VAPB: variants seen among roughly 807,000 people sequenced by gnomAD.
VAPB encodes vesicle-associated membrane protein-associated protein B/C.
A neutral mutation model predicts 25.6 loss-of-function variants in VAPB; 7 were observed. The observed-to-expected ratio is 0.27, with a 90% CI of 0.16 to 0.51. The LOEUF (loss-of-function observed/expected upper bound fraction) is 0.51. VAPB is among the 20% of genes least tolerant of loss of function. VAPB has a pLI of 0.97. For synonymous variants in VAPB, 112 were observed against 109.2 expected, an observed-to-expected ratio of 1.03 and a Z score of -0.16; for missense variants, 266 against 301.3, an observed-to-expected ratio of 0.88 and a Z score of 0.87.
intron 2 of VAPB, 64 bp downstream of exon 2, chr20:58,418,427 TAA>T: frequency 6.3e-7 from 1 of 1,585,758 alleles, no homozygotes. Flanking sequence ...TAGGTTTTCT[TAA>T]AGTTTGTATT....
At chr20:58,398,899 T>G (rs1439556288) in intron 1 of VAPB, among the ~76,000 whole-genome samples, 1 of 151,930 alleles carries the variant, frequency 6.6e-6, no homozygotes, top group Non-Finnish European at 1.5e-5. Context: ...TTTCTTCCCT[T>G]AAAAGATAAG....
In VAPB at chr20:58,448,146, G is replaced by A. The variant is rs1328175548; in HGVS notation, c.*3911G>A. ...GTTGAGAAGGAGTGTTCTCAAAGAT[G>A]AGCTGGAATGGAATTGTATTTAGAA... On this transcript the variant is annotated 3_prime_UTR_variant, in exon 6 of 6. Transcript: ENST00000475243. The A allele has an allele frequency of 2.2e-6, 1 of 453,882 alleles. No individual in the cohort carries two copies. The highest frequency in any genetic ancestry group is 7.0e-5 in the East Asian group (1 of 14,372). 28.1% of individuals were successfully genotyped at this position (453,882 alleles called of 1,614,324 possible). A position where few individuals can be genotyped will look rare whatever the true frequency, so the allele number is the denominator to read the frequency against.
At chr20:58,414,218 G>C (rs1222304502) in intron 1 of VAPB, among the ~76,000 whole-genome samples, 2 of 139,152 alleles carry the variant, frequency 1.4e-5, no homozygotes, top group African/African-American at 5.4e-5. Context: ...CTGGCCGGGC[G>C]GGGGGCTGAC....
At chr20:58,437,952 A>G (rs991722531) in intron 3 of VAPB, among the ~76,000 whole-genome samples, 2 of 152,090 alleles carry the variant, frequency 1.3e-5, no homozygotes, top group Non-Finnish European at 1.5e-5. Flanking sequence ...TTCTTTTTCT[A>G]TATCATAACC....
chr20:58,414,585 C>A (rs1359397733), intron 1 of VAPB, among the ~76,000 whole-genome samples: 1 of 149,614 alleles, frequency 6.7e-6, no homozygotes, highest in Non-Finnish European at 1.5e-5. Context: ...ACATCCCAGA[C>A]GGGGCGGCGG....
rs1172182938 is a variant in VAPB at position 58,430,284 on chromosome 20, G to GGCTGTAATGCAGTGGCACAATCTTGCC, written c.212-4317_212-4291dup. Among the ~76,000 whole-genome samples, 4 of 149,120 alleles carry GGCTGTAATGCAGTGGCACAATCTTGCC rather than the reference G, an allele frequency of 2.7e-5. No individual in the cohort carries two copies. The East Asian group carries it at 7.9e-4, about 29-fold the overall frequency. ...TTTGAGGTGGAGTCTCTGTCGCTCA[G>GGCTGTAATGCAGTGGCACAATCTTGCC]GCTGTAATGCAGTGGCACAATCTTG... On this transcript the variant is annotated intron_variant, in intron 2 of 5. Transcript: ENST00000475243.
At chr20:58,438,815 C>A in intron 3 of VAPB, 130 bp from the exon 4 acceptor site, 1 of 732,282 alleles carries the variant, frequency 1.4e-6, no homozygotes, top group South Asian at 1.6e-5. Flanking sequence ...CAGCAGACTT[C>A]AGTTCTTTAT....
chr20:58,442,045 G>A (rs1302054177), intron 5 of VAPB, among the ~76,000 whole-genome samples: 4 of 152,138 alleles, frequency 2.6e-5, no homozygotes, highest in Non-Finnish European at 4.4e-5. Context: ...TTTGGCTTGT[G>A]GTGGTGTGGA....
chr20:58,398,922 C>G (rs907909321), intron 1 of VAPB, among the ~76,000 whole-genome samples: 3 of 151,530 alleles, frequency 2.0e-5, no homozygotes, highest in Non-Finnish European at 4.4e-5. Context: ...GGAGTGTGCC[C>G]TTGGCTTTCT....
At chr20:58,415,515 A>C (rs1988518090) in intron 1 of VAPB, among the ~76,000 whole-genome samples, 2 of 152,346 alleles carry the variant, frequency 1.3e-5, no homozygotes, top group Middle Eastern at 3.4e-3. Flanking sequence ...GTTTTGTTAC[A>C]GACATTATCT....
chr20:58,409,932 CACAA>C (rs1267195110), intron 1 of VAPB, among the ~76,000 whole-genome samples: 1 of 149,550 alleles, frequency 6.7e-6, no homozygotes, highest in Admixed American at 6.6e-5. Context: ...CACACACACA[CACAA>C]TACAGATAGA....
Position 58,445,197 on chromosome 20 carries a change from C to T in VAPB, c.*962C>T, listed in dbSNP as rs1467384478. The T allele has an allele frequency of 6.6e-6, 3 of 454,034 alleles. No individual in the cohort carries two copies. The highest frequency in any genetic ancestry group is 6.0e-5 in the African/African-American group (3 of 49,994). The allele number at this position is 454,034 out of a possible 1,614,324, so 28.1% of individuals were successfully genotyped here. Reference sequence around the variant, plus strand: ...GAGGGAAATTCTCAGTAGTGACAGTCAACTCTAGGTTACCTTTTTTAATGA... The same window carrying T: ...GAGGGAAATTCTCAGTAGTGACAGTTAACTCTAGGTTACCTTTTTTAATGA... On this transcript the variant is annotated 3_prime_UTR_variant, in exon 6 of 6. Transcript: ENST00000475243.
intron 4 of VAPB, chr20:58,439,251 C>T (rs1050824759): frequency 1.3e-5 from 7 of 547,434 alleles, no homozygotes; most frequent in African/African-American, 1.1e-4. Flanking sequence ...TTGAAAAGTG[C>T]AGCCCGATGG....
chr20:58,405,578 T>C (rs1988206757), intron 1 of VAPB, among the ~76,000 whole-genome samples: 1 of 151,608 alleles, frequency 6.6e-6, no homozygotes, highest in Admixed American at 6.6e-5. Context: ...TTCTCTTGCC[T>C]CAGCCTCCTG....
rs151107529 is a variant in VAPB, at chr20:58,422,824, A to G, written c.211+4461A>G. Reference sequence around the variant, plus strand: ...GCAAGCATGCGTCCATTTGCAGTTCAGTTATGCACATTGGTTGCCTGTGTC... The same window carrying G: ...GCAAGCATGCGTCCATTTGCAGTTCGGTTATGCACATTGGTTGCCTGTGTC... On this transcript the variant is annotated intron_variant, in intron 2 of 5. Coordinates refer to ENST00000475243, the MANE Select transcript of VAPB (RefSeq NM_004738.5). Among the ~76,000 whole-genome samples the G allele has an allele frequency of 1.7e-3, 257 of 152,300 alleles. 2 individuals are homozygous for G. The highest frequency in any genetic ancestry group is 0.012 in the East Asian group (61 of 5,180).
intron 5 of VAPB, among the ~76,000 whole-genome samples, 156 bp downstream of exon 5, chr20:58,441,239 A>G (rs1476181893): frequency 6.6e-6 from 1 of 152,058 alleles, no homozygotes; most frequent in Non-Finnish European, 1.5e-5. Flanking sequence ...CATGGCTTTC[A>G]TGAGAGTCTC....
At chr20:58,438,879 A>T in intron 3 of VAPB, 66 bp from the exon 4 acceptor site, 1 of 1,388,796 alleles carries the variant, frequency 7.2e-7, no homozygotes, top group Non-Finnish European at 1.0e-6. Context: ...ATTGTCAGTT[A>T]TAGGAAGAAA....
intron 1 of VAPB, among the ~76,000 whole-genome samples, chr20:58,415,848 A>G (rs1462555614): frequency 6.6e-6 from 1 of 152,256 alleles, no homozygotes; most frequent in Non-Finnish European, 1.5e-5. Context: ...ATCCATTAAT[A>G]CAGGGGAAAA....
At chr20:58,443,483 A>G (rs1450075063) in intron 5 of VAPB, among the ~76,000 whole-genome samples, 1 of 141,582 alleles carries the variant, frequency 7.1e-6, no homozygotes, top group Non-Finnish European at 1.5e-5. Context: ...ACGAGGTTTT[A>G]CCATGTTGAC....
Sources: allele counts gnomAD v4.1 joint callset (sites outside exome capture counted in the v4.1 genomes callset), GRCh38; gene constraint gnomAD v4.1.1; transcripts MANE v1.5; gene names NCBI Gene and HGNC (gene_info 2026-07-23, HGNC 2026-07-21).